Variants in CRISPLD2 observed in about 807,000 individuals in gnomAD.
The protein encoded by CRISPLD2 is cysteine-rich secretory protein LCCL domain-containing 2.
Under a neutral mutation model 71.1 loss-of-function variants are expected in CRISPLD2, and 47 were observed. The ratio of observed to expected loss-of-function variants is 0.66; its 90% confidence interval spans 0.52 to 0.84. The LOEUF (loss-of-function observed/expected upper bound fraction) is 0.84, where lower values mean the gene tolerates loss of function less well. Ranked by LOEUF, CRISPLD2 falls within the 40% of genes least tolerant of loss-of-function variation. The pLI is 0.00. For synonymous variants in CRISPLD2, 317 were observed against 250.1 expected (o/e 1.27, Z -2.52); for missense variants, 830 against 651.1 (o/e 1.27, Z -2.99).
At chr16:84,873,214 T>A in intron 10 of CRISPLD2, 92 bp downstream of exon 10, 2 of 1,470,482 alleles carry the variant, frequency 1.4e-6, no homozygotes, top group Non-Finnish European at 9.1e-7. Context: ...AGGCCGGGCG[T>A]GGTGGCTCAC....
At chr16:84,903,993 A>G (rs894129660) in intron 14 of CRISPLD2, among the ~76,000 whole-genome samples, 1 of 152,168 alleles carries the variant, frequency 6.6e-6, no homozygotes, top group Admixed American at 6.5e-5. Context: ...GGAAAACCAC[A>G]CACCTCTGGC....
At chr16:84,820,200 G>A (rs1916200186) in intron 1 of CRISPLD2, 67 bp downstream of exon 1, 1 of 151,968 alleles carries the variant, frequency 6.6e-6, no homozygotes, top group Non-Finnish European at 1.5e-5. Context: ...GGAATAACTA[G>A]GACAGATGCC....
At chr16:84,868,796 C>T (rs1278671524) in intron 7 of CRISPLD2, 55 bp from the exon 8 acceptor site, 1 of 1,414,802 alleles carries the variant, frequency 7.1e-7, no homozygotes, top group African/African-American at 1.4e-5. Context: ...GGGGAAGGGT[C>T]TTCTCACCCT....
intron 2 of CRISPLD2, among the ~76,000 whole-genome samples, 181 bp from the exon 3 acceptor site, chr16:84,845,605 C>G (rs561431131): frequency 6.6e-6 from 1 of 152,248 alleles, no homozygotes; most frequent in East Asian, 1.9e-4. Flanking sequence ...TGAGGATAGG[C>G]TTGGAGCCGG....
intron 14 of CRISPLD2, among the ~76,000 whole-genome samples, chr16:84,905,351 T>TA (rs1264920065): frequency 6.6e-6 from 1 of 152,168 alleles, no homozygotes; most frequent in Non-Finnish European, 1.5e-5. Context: ...ATTGTACACT[T>TA]AGAAAGGTTG....
rs750348770 is a variant in CRISPLD2 at position 84,866,918 on chromosome 16, C to G, written c.731C>G (p.Pro244Arg). 6.2e-7 allele frequency: 1 copy of G among 1,614,114 alleles called. No individual in the cohort carries two copies. The highest frequency in any genetic ancestry group is 8.5e-7 in the Non-Finnish European group (1 of 1,180,012). The stretch of plus-strand genomic sequence containing the variant: ...TAAGAAGAAACCTACACTCCAAAAC[C>G]TGAAACGGACGAGATGAATGAGGTG... ...CYREETYTPK[P>R]ETDEMNEVET... Residue 244 changes from proline (P) to arginine (R), a missense_variant, in exon 7 of 15, where the codon CCT becomes CGT. Coordinates refer to ENST00000262424, the MANE Select transcript of CRISPLD2 (RefSeq NM_031476.4).
intron 14 of CRISPLD2, among the ~76,000 whole-genome samples, chr16:84,905,707 C>CTTT (rs36068463): frequency 8.6e-6 from 1 of 116,128 alleles, no homozygotes; most frequent in Non-Finnish European, 1.7e-5. Flanking sequence ...CAATAAAGCT[C>CTTT]TTTTTTTTTT....
rs76181793 is a variant in CRISPLD2, at chr16:84,872,042, T to G, written c.915-400T>G. On this transcript the variant is annotated intron_variant, in intron 8 of 14. Coordinates refer to ENST00000262424, the MANE Select transcript of CRISPLD2 (RefSeq NM_031476.4). The stretch of plus-strand genomic sequence containing the variant: ...TAATAATAAAAAACTGATACAAATT[T>G]TAAAAACAATACAGTGTAACAACTA... Among the ~76,000 whole-genome samples, 1,036 of 152,298 alleles carry G rather than the reference T, an allele frequency of 6.8e-3. 10 individuals carry two copies. The highest frequency in any genetic ancestry group is 0.024 in the African/African-American group (1,003 of 41,556).
chr16:84,831,405 A>G (rs1916484728), intron 1 of CRISPLD2, among the ~76,000 whole-genome samples: 1 of 152,158 alleles, frequency 6.6e-6, no homozygotes, highest in Admixed American at 6.5e-5. Flanking sequence ...TGGACATTTA[A>G]CAGATTTTTT....
At chr16:84,858,242 C>T (rs867738094) in intron 6 of CRISPLD2, among the ~76,000 whole-genome samples, 1 of 152,178 alleles carries the variant, frequency 6.6e-6, no homozygotes, top group Admixed American at 6.5e-5. Context: ...TGCACAGCAA[C>T]CTGGACCTGT....
At chr16:84,852,145 A>G (rs963143865) in intron 5 of CRISPLD2, among the ~76,000 whole-genome samples, 3 of 152,206 alleles carry the variant, frequency 2.0e-5, no homozygotes, top group Non-Finnish European at 4.4e-5. Context: ...CATCAATCCT[A>G]TTGGGTCAGG....
At chr16:84,898,531 C>T (rs2071726268) in intron 14 of CRISPLD2, among the ~76,000 whole-genome samples, 1 of 152,166 alleles carries the variant, frequency 6.6e-6, no homozygotes, top group Admixed American at 6.6e-5. Flanking sequence ...TGAAATGGCC[C>T]CTCCCTAGGC....
At chr16:84,848,967 C>G (rs1407687530) in intron 3 of CRISPLD2, among the ~76,000 whole-genome samples, 3 of 141,210 alleles carry the variant, frequency 2.1e-5, no homozygotes, top group Admixed American at 7.1e-5. Context: ...GCCTGGGCGA[C>G]AGAGCGAGAC....
At chr16:84,863,404 AG>A in intron 6 of CRISPLD2, among the ~76,000 whole-genome samples, 1 of 152,358 alleles carries the variant, frequency 6.6e-6, no homozygotes, top group Non-Finnish European at 1.5e-5. Flanking sequence ...CTATTTACCA[AG>A]AGCATATCCA....
intron 3 of CRISPLD2, among the ~76,000 whole-genome samples, chr16:84,848,173 C>G (rs964682035): frequency 2.0e-5 from 3 of 152,192 alleles, no homozygotes; most frequent in African/African-American, 7.2e-5. Context: ...AGCCTTGAGT[C>G]TGCGTGACCT....
intron 2 of CRISPLD2, among the ~76,000 whole-genome samples, chr16:84,841,652 G>A (rs1916775351): frequency 6.6e-6 from 1 of 151,950 alleles, no homozygotes; most frequent in Non-Finnish European, 1.5e-5. Flanking sequence ...CTGGAGTGCA[G>A]TGGCGTGATC....
intron 13 of CRISPLD2, among the ~76,000 whole-genome samples, chr16:84,888,937 T>C (rs1360571958): frequency 6.6e-6 from 1 of 152,240 alleles, no homozygotes; most frequent in African/African-American, 2.4e-5. Context: ...CTCGACTCTT[T>C]GAAGGCAAGG....
intron 2 of CRISPLD2, among the ~76,000 whole-genome samples, chr16:84,840,866 G>A (rs1163234007): frequency 6.6e-6 from 1 of 152,134 alleles, no homozygotes; most frequent in Non-Finnish European, 1.5e-5. Context: ...GAATGTGTGG[G>A]TAGGAGGCTC....
At chr16:84,837,502 C>T (rs951038314) in intron 1 of CRISPLD2, among the ~76,000 whole-genome samples, 28 of 151,902 alleles carry the variant, frequency 1.8e-4, no homozygotes, top group African/African-American at 6.3e-4. Context: ...CTGCAAGCTC[C>T]GCCTCCCGGG....
Sources: gnomAD v4.1 joint callset for allele counts (sites outside exome capture counted in the v4.1 genomes callset) on GRCh38, gnomAD v4.1.1 for gene constraint, MANE v1.5 for transcripts, NCBI Gene and HGNC (gene_info 2026-07-23, HGNC 2026-07-21) for gene names.